The following RRBP1 variants were observed in gnomAD, a reference collection of about 807,000 sequenced individuals.
RRBP1 encodes ribosome-binding protein 1.
In RRBP1, 94 loss-of-function variants were observed where a neutral mutation model predicts 165.2. That is an observed-to-expected ratio of 0.57 (90% CI 0.48 to 0.68). The LOEUF is 0.68. RRBP1 is among the 30% of genes least tolerant of loss of function. The pLI is 0.00. For synonymous variants in RRBP1, 680 were observed against 714.5 expected (o/e 0.95, Z 0.77); for missense variants, 1,676 against 1,763.0 (o/e 0.95, Z 0.88).
At chr20:17,658,544 T>C in intron 3 of RRBP1, 52 bp downstream of exon 3, 4 of 1,455,340 alleles carry the variant, frequency 2.7e-6, no homozygotes, top group Non-Finnish European at 9.3e-7. Flanking sequence ...AATCCATAAG[T>C]CATTTAAAGA....
At chr20:17,652,548 C>T (rs2036576930) in intron 3 of RRBP1, among the ~76,000 whole-genome samples, 1 of 152,138 alleles carries the variant, frequency 6.6e-6, no homozygotes, top group African/African-American at 2.4e-5. Flanking sequence ...CATGCCACCT[C>T]ACCCCTCCCA....
Position 17,643,394 on chromosome 20 carries a change from T to C in RRBP1, c.1913-267A>G, listed in dbSNP as rs930067291. ...TGGGGTGGAAGTAGAGCTCCTCTTTTTTTTTTTCCACCATCAAGATGGCCT... is the reference window on the plus strand; with the variant it reads ...TGGGGTGGAAGTAGAGCTCCTCTTTCTTTTTTTCCACCATCAAGATGGCCT... On this transcript the variant is annotated intron_variant, in intron 3 of 24. Transcript: ENST00000377813. This position sits in a 1 kb window ranked among gnomAD's most constrained non-coding sequence, Gnocchi z 4.3. Among the ~76,000 whole-genome samples, 5 of 152,076 alleles carry C rather than the reference T, an allele frequency of 3.3e-5. No homozygotes were observed. The highest frequency in any genetic ancestry group is 7.4e-5 in the Non-Finnish European group (5 of 67,988).
chr20:17,660,055 T>A lies in RRBP1; in HGVS notation c.453A>T (p.Pro151=), dbSNP rs1177411455. Residue 151 remains proline (P), a synonymous_variant, in exon 3 of 25, where the codon CCA becomes CCT. Transcript: ENST00000377813. The stretch of plus-strand genomic sequence containing the variant: ...TGGAATTCACTACAGAGCTGACAGC[T>A]GGTTCCACTTTTGCCACTTTTTTCT... ...KKEKKVAKVE[P]AVSSVVNSIQ... The A allele has an allele frequency of 6.2e-7, 1 of 1,613,816 alleles. No homozygotes were observed. Among genetic ancestry groups the A allele is most frequent in the Non-Finnish European group, 8.5e-7 (1 of 1,179,934 alleles).
At chr20:17,624,181 G>T (rs1445374294) in intron 13 of RRBP1, among the ~76,000 whole-genome samples, 2 of 152,242 alleles carry the variant, frequency 1.3e-5, no homozygotes, top group East Asian at 3.9e-4. Flanking sequence ...GTGAAGAAGG[G>T]AAGGACGGCA....
chr20:17,650,731 G>C (rs1240065846), intron 3 of RRBP1, among the ~76,000 whole-genome samples: 1 of 152,158 alleles, frequency 6.6e-6, no homozygotes, highest in Admixed American at 6.5e-5. Flanking sequence ...CTCAGTCTAC[G>C]CCCACACTGT....
intron 2 of RRBP1, among the ~76,000 whole-genome samples, chr20:17,675,306 T>C (rs535413569): frequency 1.3e-5 from 2 of 152,374 alleles, no homozygotes; most frequent in East Asian, 3.9e-4. Flanking sequence ...TCCAGACTCC[T>C]TCAGGCTACA....
intron 2 of RRBP1, among the ~76,000 whole-genome samples, chr20:17,670,604 G>A (rs2122494032): frequency 6.6e-6 from 1 of 152,126 alleles, no homozygotes; most frequent in East Asian, 1.9e-4. Flanking sequence ...TCTTTTACAT[G>A]TATTTAGAAC....
At chr20:17,678,871 C>T (rs1037442621) in intron 2 of RRBP1, among the ~76,000 whole-genome samples, 2 of 152,224 alleles carry the variant, frequency 1.3e-5, no homozygotes, top group African/African-American at 4.8e-5. Flanking sequence ...GCCCACCACA[C>T]AGGAGACCCT....
chr20:17,638,718 GT>G (rs1485837479), intron 5 of RRBP1, among the ~76,000 whole-genome samples: 2 of 658 alleles, frequency 3.0e-3, no homozygotes, highest in East Asian at 0.14. Flanking sequence ...CCTGATGGTG[GT>G]GGGGGGGTTC....
At chr20:17,669,765 A>G (rs1359758226) in intron 2 of RRBP1, among the ~76,000 whole-genome samples, 1 of 152,150 alleles carries the variant, frequency 6.6e-6, no homozygotes, top group Admixed American at 6.5e-5. Context: ...TTGCTGGTAT[A>G]CGGAAACGTA....
intron 11 of RRBP1, among the ~76,000 whole-genome samples, chr20:17,626,750 C>T (rs2036029006): frequency 2.0e-5 from 2 of 100,608 alleles, no homozygotes; most frequent in Non-Finnish European, 5.4e-5. Flanking sequence ...CGAGCCACCC[C>T]ACCCAGGTGT....
In RRBP1 at chr20:17,659,750, T is replaced by G. The variant is rs1258068543; in HGVS notation, c.758A>C (p.Glu253Ala). Residue 253 changes from glutamate (E) to alanine (A), a missense_variant, in exon 3 of 25, where the codon GAA (glutamate) becomes GCA (alanine). Physicochemically the swap from Glu to Ala is moderately radical, Grantham distance 107. Around this residue, in one of 5 missense-constraint regions of RRBP1, gnomAD observed 392 missense variants for 382.5 expected, o/e 1.02. Transcript: ENST00000377813. ...CTTTTTGCCTTGGTTTGGGGTTCCT[T>G]CTGCCTTTTTGCCTTGGTTTGGGGT... ...EGTPNQGKKA[E>A]GTPNQGKKAE... The G allele has an allele frequency of 6.4e-7, 1 of 1,550,444 alleles. No homozygotes were observed. Among genetic ancestry groups the G allele is most frequent in the African/African-American group, 1.4e-5 (1 of 73,022 alleles).
rs754187950 is a variant in RRBP1, at chr20:17,619,675, G to A, written c.3633C>T (p.Ala1211=). The part of the protein sequence containing the change: ...LEAELEKHMA[A]ASAECQNYAK... ...CGTAGTTCTGGCACTCGGCGCTGGC[G>A]GCCGCCATGTGCTTTTCCAGCTCTG... Residue 1211 remains alanine (A), a synonymous_variant, in exon 19 of 25, where the codon GCC becomes GCT. Coordinates refer to ENST00000377813, the MANE Select transcript of RRBP1 (RefSeq NM_001365613.2). 27 of 1,612,704 alleles carry A rather than the reference G, an allele frequency of 1.7e-5. No homozygotes were observed. The highest frequency in any genetic ancestry group is 4.0e-5 in the African/African-American group (3 of 74,916).
intron 8 of RRBP1, among the ~76,000 whole-genome samples, chr20:17,632,364 GACC>G (rs1172010933): frequency 6.6e-6 from 1 of 152,134 alleles, no homozygotes; most frequent in East Asian, 1.9e-4. Context: ...GGCCCAGATG[GACC>G]ACAACCGTCC....
chr20:17,638,077 C>T (rs1228438455), intron 5 of RRBP1, among the ~76,000 whole-genome samples: 1 of 152,136 alleles, frequency 6.6e-6, no homozygotes, highest in Admixed American at 6.5e-5. Context: ...AGGACGCCTG[C>T]CCTTCTGTGT....
At chr20:17,632,838 C>A (rs1021999410) in intron 8 of RRBP1, among the ~76,000 whole-genome samples, 1 of 152,246 alleles carries the variant, frequency 6.6e-6, no homozygotes, top group South Asian at 2.1e-4. Flanking sequence ...TGCCCGTGTC[C>A]CCCTGGGGAC....
At chr20:17,619,543 G>C (rs2035866658) in intron 19 of RRBP1, 90 bp downstream of exon 19, 2 of 902,430 alleles carry the variant, frequency 2.2e-6, no homozygotes, top group African/African-American at 3.4e-5. Flanking sequence ...ATGTCACCGA[G>C]AGCTGCTCCC....
chr20:17,638,567 A>C (rs1023025686), intron 5 of RRBP1, among the ~76,000 whole-genome samples: 4 of 152,186 alleles, frequency 2.6e-5, no homozygotes, highest in East Asian at 1.9e-4. Flanking sequence ...AAGAGCAGAG[A>C]AAAGTCACTT....
Position 17,642,989 on chromosome 20 carries a change from G to C in RRBP1, c.2051C>G (p.Thr684Ser), listed in dbSNP as rs755451114. ...LSEKAGIIQD[T>S]WHKATQKGDP... is the part of the protein sequence containing the mutation. Reference sequence around the variant, plus strand: ...GGAGGGTGGGCCCACCTTGTGCCAGGTGTCCTGAATGATGCCAGCCTTCTC... The same window carrying C: ...GGAGGGTGGGCCCACCTTGTGCCAGCTGTCCTGAATGATGCCAGCCTTCTC... Residue 684 changes from threonine to serine, a missense_variant, in exon 4 of 25, where the codon ACC becomes AGC. Physicochemically the swap from Thr to Ser is moderately conservative, Grantham distance 58. Transcript: ENST00000377813. 6.2e-7 allele frequency: 1 copy of C among 1,613,834 alleles called. No individual in the cohort carries two copies. Among genetic ancestry groups the C allele is most frequent in the Admixed American group, 1.7e-5 (1 of 60,018 alleles).
Sources: gnomAD v4.1 joint callset for allele counts (sites outside exome capture counted in the v4.1 genomes callset) on GRCh38, gnomAD v4.1.1 for gene constraint, gnomAD v4.1.1 regional missense constraint, Gnocchi (gnomAD v3.1) non-coding constraint, MANE v1.5 for transcripts, NCBI Gene and HGNC (gene_info 2026-07-23, HGNC 2026-07-21) for gene names.